MED12L: variants seen among roughly 807,000 people sequenced by gnomAD.
MED12L encodes mediator of RNA polymerase II transcription subunit 12-like protein.
A neutral mutation model predicts 281.3 loss-of-function variants in MED12L; 60 were observed. That is an observed-to-expected ratio of 0.21 (90% confidence interval 0.17 to 0.26). The LOEUF is 0.26. Among genes scored for constraint, MED12L ranks in the 10% least tolerant of loss-of-function variants. MED12L has a pLI of 1.00. For synonymous variants in MED12L, 974 were observed against 987.2 expected, an observed-to-expected ratio of 0.99 and a Z score of 0.25; for missense variants, 2,146 against 2,680.9, an observed-to-expected ratio of 0.80 and a Z score of 4.41.
intron 16 of MED12L, among the ~76,000 whole-genome samples, chr3:151,234,212 C>A (rs1175684354): frequency 6.6e-6 from 1 of 152,146 alleles, no homozygotes; most frequent in Admixed American, 6.5e-5. Context: ...GGGTAAAAAA[C>A]CCATTATTTG....
At chr3:151,369,648 T>C (rs951301809) in intron 26 of MED12L, 99 bp downstream of exon 26, 21 of 709,554 alleles carry the variant, frequency 3.0e-5, no homozygotes, top group Non-Finnish European at 4.3e-5. Context: ...ATTGGAAACA[T>C]GATACTGTTT....
intron 16 of MED12L, among the ~76,000 whole-genome samples, chr3:151,308,655 A>G (rs1747030389): frequency 1.3e-5 from 2 of 152,172 alleles, no homozygotes; most frequent in South Asian, 2.1e-4. Flanking sequence ...TTGTTTTGGA[A>G]TAGCATCCTG....
At chr3:151,170,872 G>C (rs1721339119) in intron 11 of MED12L, among the ~76,000 whole-genome samples, 1 of 152,156 alleles carries the variant, frequency 6.6e-6, no homozygotes, top group African/African-American at 2.4e-5. Flanking sequence ...GGTGGGGGTT[G>C]AGGTGTCTGG....
Position 151,367,751 on chromosome 3 carries a change from T to G in MED12L, c.3433T>G (p.Ser1145Ala). ...EDVVQHVALP[S>A]LLAAACGDAD... ...CGTCGTGCAGCATGTCGCACTTCCCTCTCTTCTAGCAGCAGGTAAGGCAGC... is the reference window on the plus strand; with the variant it reads ...CGTCGTGCAGCATGTCGCACTTCCCGCTCTTCTAGCAGCAGGTAAGGCAGC... Residue 1145 changes from serine to alanine, a missense_variant, in exon 24 of 45, where the codon TCT (serine) becomes GCT (alanine). Around this residue, in one of 9 missense-constraint regions of MED12L, gnomAD observed 404 missense variants for 603.5 expected, o/e 0.67. Transcript: ENST00000687756. The G allele has an allele frequency of 1.2e-6, 2 of 1,609,836 alleles. No homozygotes were observed. Among genetic ancestry groups the G allele is most frequent in the African/African-American group, 1.3e-5 (1 of 74,926 alleles).
intron 16 of MED12L, chr3:151,213,906 G>C: frequency 6.2e-7 from 1 of 1,614,104 alleles, no homozygotes; most frequent in Non-Finnish European, 8.5e-7. Flanking sequence ...GAAGTTTGCT[G>C]TAACTCACTG....
chr3:151,312,412 A>G (rs1747666604), intron 16 of MED12L, among the ~76,000 whole-genome samples: 1 of 152,102 alleles, frequency 6.6e-6, no homozygotes, highest in Admixed American at 6.5e-5. Flanking sequence ...TAGTACAGGG[A>G]CTTCAGATCA....
At chr3:151,223,213 A>G (rs1729765394) in intron 16 of MED12L, among the ~76,000 whole-genome samples, 1 of 121,938 alleles carries the variant, frequency 8.2e-6, no homozygotes, top group Non-Finnish European at 1.7e-5. Flanking sequence ...GAGATTGCAG[A>G]AAAAAGAGAA....
intron 16 of MED12L, among the ~76,000 whole-genome samples, chr3:151,349,625 A>C (rs1373146555): frequency 6.6e-6 from 1 of 152,150 alleles, no homozygotes; most frequent in Admixed American, 6.5e-5. Context: ...TCCTAGCAAG[A>C]TATTTTTCCC....
rs1187709507 is a variant in MED12L at position 151,246,009 on chromosome 3, T to G, written c.2250+52343T>G. ...ACAGAGAGCCAAATCATGAGTGAAC[T>G]CCCATTCACAATTGCTTCAAAGAGA... On this transcript the variant is annotated intron_variant, in intron 16 of 44. Coordinates refer to ENST00000687756, the MANE Select transcript of MED12L (RefSeq NM_001393769.1). Among the ~76,000 whole-genome samples, 730 of 150,668 alleles carry G rather than the reference T, an allele frequency of 4.8e-3. 6 individuals carry two copies. The highest frequency in any genetic ancestry group is 0.017 in the African/African-American group (690 of 41,104).
At chr3:151,270,241 G>GTGTGTGTGTGTGTA (rs1247181043) in intron 16 of MED12L, 2 of 157,022 alleles carry the variant, frequency 1.3e-5, no homozygotes, top group Non-Finnish European at 2.7e-5. Context: ...GTGTGTGTGT[G>GTGTGTGTGTGTGTA]TTTTCTTTTG....
rs542048997 is a variant in MED12L at position 151,242,088 on chromosome 3, C to T, written c.2250+48422C>T. On this transcript the variant is annotated intron_variant, in intron 16 of 44. Coordinates refer to ENST00000687756, the MANE Select transcript of MED12L (RefSeq NM_001393769.1). Reference sequence around the variant, plus strand: ...GACGGGCTTAAAAAACGGGGCACCACGAGATTATATCCCGCACCTGGCTCG... The same window carrying T: ...GACGGGCTTAAAAAACGGGGCACCATGAGATTATATCCCGCACCTGGCTCG... Among the ~76,000 whole-genome samples, 166 of 152,212 alleles carry T rather than the reference C, an allele frequency of 1.1e-3. 2 individuals are homozygous for T. The highest frequency in any genetic ancestry group is 3.7e-3 in the African/African-American group (152 of 41,548).
chr3:151,116,234 C>T (rs758324556), intron 2 of MED12L, 104 bp from the exon 3 acceptor site: 56 of 721,074 alleles, frequency 7.8e-5, no homozygotes, highest in Non-Finnish European at 1.2e-4. Flanking sequence ...AAGAGTTCTC[C>T]TCTACAGAGT....
intron 2 of MED12L, among the ~76,000 whole-genome samples, chr3:151,106,308 TCTCCC>T (rs1172007791): frequency 5.4e-4 from 41 of 75,960 alleles, no homozygotes; most frequent in South Asian, 1.1e-3. Flanking sequence ...TCCTTTTCCT[TCTCCC>T]CTCCCCTCCC....
intron 16 of MED12L, among the ~76,000 whole-genome samples, chr3:151,330,856 T>C (rs1750272076): frequency 6.6e-6 from 1 of 152,192 alleles, no homozygotes; most frequent in Admixed American, 6.5e-5. Context: ...GTCTTAAACA[T>C]AAATGTATAT....
chr3:151,241,598 A>G (rs539376564), intron 16 of MED12L, among the ~76,000 whole-genome samples: 3 of 152,278 alleles, frequency 2.0e-5, no homozygotes, highest in African/African-American at 7.2e-5. Flanking sequence ...ACACACTTTC[A>G]CAGTGGGTTA....
chr3:151,191,517 G>T (rs1723980899), intron 14 of MED12L, among the ~76,000 whole-genome samples: 1 of 152,168 alleles, frequency 6.6e-6, no homozygotes, highest in African/African-American at 2.4e-5. Flanking sequence ...TTTGGATATT[G>T]TTCCAGATAC....
chr3:151,406,492 A>G (rs1343432067), intron 39 of MED12L, among the ~76,000 whole-genome samples: 1 of 152,196 alleles, frequency 6.6e-6, no homozygotes. Flanking sequence ...GTGCTAGTCA[A>G]ATAGGGATGT....
At chr3:151,392,186 G>A (rs1157062571) in intron 38 of MED12L, among the ~76,000 whole-genome samples, 1 of 152,008 alleles carries the variant, frequency 6.6e-6, no homozygotes, top group Non-Finnish European at 1.5e-5. Flanking sequence ...ATTTTGGGCT[G>A]GGCACGGTGG....
intron 26 of MED12L, among the ~76,000 whole-genome samples, chr3:151,370,758 G>A (rs9844557): frequency 0.12 from 18,605 of 152,236 alleles, 1,382 homozygotes; most frequent in Middle Eastern, 0.18. Flanking sequence ...CATCAGAGAA[G>A]CTAGCAAAGA....
Sources: allele counts gnomAD v4.1 joint callset (sites outside exome capture counted in the v4.1 genomes callset), GRCh38; gene constraint gnomAD v4.1.1; regional missense constraint gnomAD v4.1.1; transcripts MANE v1.5; gene names NCBI Gene and HGNC (gene_info 2026-07-23, HGNC 2026-07-21).